C2orf42: variants seen among roughly 807,000 people sequenced by gnomAD.
C2orf42 encodes the protein chromosome 2 open reading frame 42, also known as uncharacterized protein C2orf42.
Under a neutral mutation model 58.9 loss-of-function variants are expected in C2orf42, and 44 were observed. That is an observed-to-expected ratio of 0.75 (90% CI 0.59 to 0.96). The LOEUF is 0.96. C2orf42 is among the 40% of genes least tolerant of loss of function. The pLI is 0.00. For missense variants in C2orf42, 630 were observed against 699.2 expected (o/e 0.90, Z 1.12); for synonymous variants, 239 against 265.4 (o/e 0.90, Z 0.97).
In C2orf42 at chr2:70,181,839, G is replaced by C; in HGVS notation, c.147C>G (p.Thr49=). ...GCTTGCGTGCACCGTAGCGGAATAT[G>C]GTTCCACATGTCTTGTTCTTACAGC... ...GLSCKNKTCG[T]IFRYGARKQP... Residue 49 remains threonine (T), a synonymous_variant, in exon 3 of 10, where the codon ACC becomes ACG. Transcript: ENST00000264434. The C allele has an allele frequency of 1.2e-6, 2 of 1,614,076 alleles. No homozygotes were observed. The highest frequency in any genetic ancestry group is 8.5e-7 in the Non-Finnish European group (1 of 1,179,986).
Position 70,169,138 on chromosome 2 carries a change from G to A in C2orf42, c.1144+419C>T, listed in dbSNP as rs1160496320. On this transcript the variant is annotated intron_variant, in intron 6 of 9. Transcript: ENST00000264434. Reference sequence around the variant, plus strand: ...GAGTGCAATGGCACTATTTTTTGTAGAGATGGGGTTCACTATGTTGTGCAG... The same window carrying A: ...GAGTGCAATGGCACTATTTTTTGTAAAGATGGGGTTCACTATGTTGTGCAG... 2.0e-5 allele frequency among the ~76,000 whole-genome samples: 3 copies of A among 151,744 alleles called. No individual in the cohort carries two copies. The East Asian group carries it at 5.8e-4, about 29-fold the overall frequency.
rs148184440 is a variant in C2orf42, at chr2:70,155,987, C to T, written c.1516+4638G>A. ...TCTGACCAATGTGGAGAAACCCCAT[C>T]TCTACTAAAAATACAAAATTAGCTG... On this transcript the variant is annotated intron_variant, in intron 9 of 9. Transcript: ENST00000264434. 7.0e-3 allele frequency among the ~76,000 whole-genome samples: 1,062 copies of T among 151,914 alleles called. 13 individuals are homozygous for T. Among genetic ancestry groups the T allele is most frequent in the African/African-American group, 0.025 (1,018 of 41,462 alleles).
rs191771375 is a variant in C2orf42, at chr2:70,187,217, C to T, written c.-282+3756G>A. On this transcript the variant is annotated intron_variant, in intron 1 of 9. Transcript: ENST00000264434. Reference sequence around the variant, plus strand: ...AGCATAGGAATAGCTGTAGCATCAACAATGGAGTTCCACTCTTTTATCTTT... The same window carrying T: ...AGCATAGGAATAGCTGTAGCATCAATAATGGAGTTCCACTCTTTTATCTTT... Among the ~76,000 whole-genome samples the T allele has an allele frequency of 2.1e-3, 326 of 152,164 alleles. 6 individuals carry two copies. The highest frequency in any genetic ancestry group is 0.02 in the Admixed American group (298 of 15,264).
intron 5 of C2orf42, among the ~76,000 whole-genome samples, chr2:70,172,084 C>T (rs1291173134): frequency 1.3e-5 from 2 of 151,628 alleles, no homozygotes; most frequent in African/African-American, 2.4e-5. Flanking sequence ...ATTAGCCAGG[C>T]GTAGTGGTGT....
chr2:70,175,744 T>A lies in C2orf42; in HGVS notation c.968A>T (p.Asp323Val). ...TTTCCTTAGATTACTGCTCACTGCA[T>A]CTTGAGGCAGTAGTGAACTGTTCAT... ...AQMNSSLLPQ[D>V]AVSSNLRKSG... The change falls in exon 5 of 10, where the codon GAT (aspartate) becomes GTT (valine). Residue 323 changes from aspartate to valine, a missense_variant. By Grantham distance (152) the Asp-to-Val change is radical. Transcript: ENST00000264434. 6.2e-7 allele frequency: 1 copy of A among 1,612,812 alleles called. No homozygotes were observed. The highest frequency in any genetic ancestry group is 8.5e-7 in the Non-Finnish European group (1 of 1,178,804).
intron 9 of C2orf42, among the ~76,000 whole-genome samples, chr2:70,157,812 C>T (rs995911547): frequency 1.3e-5 from 2 of 152,120 alleles, no homozygotes; most frequent in Admixed American, 1.3e-4. Flanking sequence ...CAAACAAAAA[C>T]TATATACGAG....
At chr2:70,178,433 C>T (rs948979618) in intron 4 of C2orf42, among the ~76,000 whole-genome samples, 1 of 151,110 alleles carries the variant, frequency 6.6e-6, no homozygotes, top group African/African-American at 2.4e-5. Flanking sequence ...ATGGCGAAAC[C>T]CCGTCTCTAC....
At chr2:70,170,311 A>G (rs1673722623) in intron 5 of C2orf42, among the ~76,000 whole-genome samples, 1 of 149,664 alleles carries the variant, frequency 6.7e-6, no homozygotes, top group Non-Finnish European at 1.5e-5. Context: ...AAGTGGCATG[A>G]TCTCAGCTCA....
chr2:70,161,996 C>G (rs1444326425), intron 8 of C2orf42, among the ~76,000 whole-genome samples: 1 of 151,940 alleles, frequency 6.6e-6, no homozygotes, highest in Non-Finnish European at 1.5e-5. Flanking sequence ...CACACACCAC[C>G]AGGCCTCACT....
At chr2:70,163,219 T>C (rs1673172742) in intron 8 of C2orf42, among the ~76,000 whole-genome samples, 1 of 151,322 alleles carries the variant, frequency 6.6e-6, no homozygotes, top group Non-Finnish European at 1.5e-5. Context: ...CCATCTCAGA[T>C]TTTCAGGATC....
intron 9 of C2orf42, among the ~76,000 whole-genome samples, chr2:70,157,701 G>A (rs1024927396): frequency 6.6e-6 from 1 of 151,714 alleles, no homozygotes; most frequent in Non-Finnish European, 1.5e-5. Flanking sequence ...GGAGGCTGAG[G>A]CAGGAGAATC....
chr2:70,150,511 G>A lies in C2orf42; in HGVS notation c.1570C>T (p.Pro524Ser). ...ATCTTAGATTGGGGAAGGATATCTG[G>A]GATCCACTCGATGATGAAAGGTGTT... is the stretch of plus-strand genomic sequence containing the variant. Reference protein sequence around the residue: ...EPTPFIIEWIPDILPQSKIGE... With the variant: ...EPTPFIIEWISDILPQSKIGE... The change falls in exon 10 of 10, where the codon CCA becomes TCA. Residue 524 changes from proline to serine, a missense_variant. Transcript: ENST00000264434. 6.2e-7 allele frequency: 1 copy of A among 1,614,030 alleles called. No individual in the cohort carries two copies. Among genetic ancestry groups the A allele is most frequent in the Non-Finnish European group, 8.5e-7 (1 of 1,179,970 alleles).
At chr2:70,154,071 AC>A (rs1244683489) in intron 9 of C2orf42, among the ~76,000 whole-genome samples, 3 of 116,434 alleles carry the variant, frequency 2.6e-5, no homozygotes, top group Admixed American at 2.3e-4. Context: ...AAACAAACAA[AC>A]AAAAAAAAAA....
chr2:70,157,751 C>T (rs146014108), intron 9 of C2orf42, among the ~76,000 whole-genome samples: 2,307 of 152,032 alleles, frequency 0.015, 52 homozygotes, highest in African/African-American at 0.053. Context: ...GAGCCGAGAT[C>T]GTGCCACTGC....
intron 9 of C2orf42, among the ~76,000 whole-genome samples, chr2:70,153,784 G>A (rs927714454): frequency 6.6e-6 from 1 of 151,804 alleles, no homozygotes; most frequent in African/African-American, 2.4e-5. Flanking sequence ...AAACGGCCGG[G>A]CGCGGTGGCT....
In C2orf42 at chr2:70,164,229, A is replaced by G. The variant is rs147277976; in HGVS notation, c.1353+863T>C. Among the ~76,000 whole-genome samples the G allele has an allele frequency of 6.6e-3, 1,005 of 152,010 alleles. 6 individuals are homozygous for G. Among genetic ancestry groups the G allele is most frequent in the Middle Eastern group, 0.017 (5 of 294 alleles). On this transcript the variant is annotated intron_variant, in intron 8 of 9. Transcript: ENST00000264434. ...GAGGTGGGAGGATCACTTGATCCCA[A>G]GAGGTGGAGGTAGAGTGAGCCGTGA...
In C2orf42 at chr2:70,183,729, T is replaced by TAA. The variant is rs61040354; in HGVS notation, c.-281-796_-281-795dup. Among the ~76,000 whole-genome samples, 463 of 141,846 alleles carry TAA rather than the reference T, an allele frequency of 3.3e-3. 2 individuals carry two copies. The highest frequency in any genetic ancestry group is 4.6e-3 in the Non-Finnish European group (300 of 65,464). 93.1% of individuals were successfully genotyped at this position (141,846 alleles called of 152,430 possible). ...ATGCGCCCGGCCGACCCCATCTCTT[T>TAA]AAAAAAAAAAAAAAAGAACACACCT... On this transcript the variant is annotated intron_variant, in intron 1 of 9. Transcript: ENST00000264434.
intron 9 of C2orf42, among the ~76,000 whole-genome samples, chr2:70,156,257 T>C (rs1004647668): frequency 1.3e-5 from 2 of 152,054 alleles, no homozygotes; most frequent in African/African-American, 4.8e-5. Flanking sequence ...CTATATAAAT[T>C]ATAATAAATA....
At chr2:70,169,982 C>T (rs923859117) in intron 5 of C2orf42, among the ~76,000 whole-genome samples, 1 of 152,040 alleles carries the variant, frequency 6.6e-6, no homozygotes, top group Non-Finnish European at 1.5e-5. Flanking sequence ...TGGTCTCCAA[C>T]TCCTGACCTC....
Sources: gnomAD v4.1 joint callset for allele counts (sites outside exome capture counted in the v4.1 genomes callset) on GRCh38, gnomAD v4.1.1 for gene constraint, MANE v1.5 for transcripts, NCBI Gene and HGNC (gene_info 2026-07-23, HGNC 2026-07-21) for gene names.